HECW2: variants seen among roughly 807,000 people sequenced by gnomAD.
The protein encoded by HECW2 is E3 ubiquitin-protein ligase HECW2.
HECW2 carries 61 observed loss-of-function variants against 175.2 expected under a neutral mutation model. The ratio of observed to expected loss-of-function variants is 0.35; its 90% CI spans 0.28 to 0.43. The LOEUF (loss-of-function observed/expected upper bound fraction) is 0.43. Among genes scored for constraint, HECW2 ranks in the 20% least tolerant of loss-of-function variants. The probability of loss-of-function intolerance (pLI) is 1.00; values close to 1 mark genes in which losing one functional copy is unlikely to be tolerated. For synonymous variants in HECW2, 671 were observed against 731.0 expected, an observed-to-expected ratio of 0.92 and a Z score of 1.32; for missense variants, 1,524 against 2,000.5, an observed-to-expected ratio of 0.76 and a Z score of 4.54.
chr2:196,526,789 C>T (rs897335866), intron 1 of HECW2, among the ~76,000 whole-genome samples: 13 of 152,064 alleles, frequency 8.5e-5, no homozygotes, highest in Non-Finnish European at 1.5e-4. Flanking sequence ...TTAGGCTGCT[C>T]GGGGGTCAGG....
intron 1 of HECW2, among the ~76,000 whole-genome samples, chr2:196,527,006 C>G: frequency 6.6e-6 from 1 of 152,114 alleles, no homozygotes; most frequent in East Asian, 1.9e-4. Context: ...TGGGCTCCAC[C>G]CAGTTGGAGC....
chr2:196,441,362 CAT>C (rs1351502142), intron 1 of HECW2, among the ~76,000 whole-genome samples: 1 of 74,914 alleles, frequency 1.3e-5, no homozygotes, highest in Non-Finnish European at 2.6e-5. Flanking sequence ...AAAGACACAA[CAT>C]ACAACACACA....
At chr2:196,516,306 A>C (rs58645781) in intron 1 of HECW2, among the ~76,000 whole-genome samples, 1,534 of 152,332 alleles carry the variant, frequency 0.01, 27 homozygotes, top group African/African-American at 0.034. Flanking sequence ...ATAAACAAAC[A>C]GGGAATCACT....
intron 1 of HECW2, among the ~76,000 whole-genome samples, chr2:196,522,060 T>C (rs1370314984): frequency 6.6e-6 from 1 of 152,244 alleles, no homozygotes; most frequent in Non-Finnish European, 1.5e-5. Context: ...ATAACCACAC[T>C]GACTTCCACA....
chr2:196,230,567 T>C (rs1048128199), intron 21 of HECW2, among the ~76,000 whole-genome samples: 3 of 152,180 alleles, frequency 2.0e-5, no homozygotes, highest in Non-Finnish European at 4.4e-5. Context: ...ATTCCTTCTC[T>C]ACCCTGGTGG....
At chr2:196,419,668 C>A (rs910318179) in intron 2 of HECW2, among the ~76,000 whole-genome samples, 3 of 152,202 alleles carry the variant, frequency 2.0e-5, no homozygotes, top group Non-Finnish European at 4.4e-5. Flanking sequence ...CTAGTGGCAG[C>A]CACACAGTAG....
chr2:196,355,434 CAAT>C (rs1272186125), intron 2 of HECW2, among the ~76,000 whole-genome samples: 1 of 152,138 alleles, frequency 6.6e-6, no homozygotes, highest in Non-Finnish European at 1.5e-5. Flanking sequence ...TTTTCTATGA[CAAT>C]GATGATAAAA....
intron 2 of HECW2, among the ~76,000 whole-genome samples, chr2:196,422,407 A>G (rs1695430482): frequency 1.3e-5 from 2 of 152,150 alleles, no homozygotes; most frequent in South Asian, 2.1e-4. Flanking sequence ...AAGAGCTAGC[A>G]TAAGAGTTTC....
At position 196,540,807 on chromosome 2, in the gene HECW2, T is replaced by C. The variant is rs1168459508; in HGVS notation, c.-36+52701A>G. ...TTCTAAAACAATGAACAGGAGTCAC[T>C]ATGAGGAAGCACAATATTTTTAATC... On this transcript the variant is annotated intron_variant, in intron 1 of 28. Coordinates refer to ENST00000644978, the MANE Select transcript of HECW2 (RefSeq NM_001348768.2). Among the ~76,000 whole-genome samples the C allele has an allele frequency of 3.3e-5, 5 of 152,132 alleles. No homozygotes were observed. The East Asian group carries it at 9.6e-4, about 29-fold the overall frequency.
Position 196,200,480 on chromosome 2 carries a change from GAACATA to G in HECW2, c.*791_*796del, listed in dbSNP as rs1192903459. On this transcript the variant is annotated 3_prime_UTR_variant, in exon 29 of 29. Transcript: ENST00000644978. ...GGTAGGTTCTTATATACATCTTAAAGAACATAAACATAATGAACCTACAAAAAATAA... is the reference window on the plus strand; with the variant it reads ...GGTAGGTTCTTATATACATCTTAAAGAACATAATGAACCTACAAAAAATAA... The G allele has an allele frequency of 4.6e-5, 7 of 152,676 alleles. No individual in the cohort carries two copies. In the South Asian group the frequency reaches 1.0e-3, roughly 23 times the overall value. The allele number at this position is 152,676 out of a possible 1,614,324, so 9.5% of individuals were successfully genotyped here.
chr2:196,561,554 C>T lies in HECW2; in HGVS notation c.-36+31954G>A, dbSNP rs377013159. Among the ~76,000 whole-genome samples the T allele has an allele frequency of 5.0e-4, 76 of 152,282 alleles. 1 individual carries two copies. The highest frequency in any genetic ancestry group is 1.4e-3 in the African/African-American group (60 of 41,558). On this transcript the variant is annotated intron_variant, in intron 1 of 28. Coordinates refer to ENST00000644978, the MANE Select transcript of HECW2 (RefSeq NM_001348768.2). Reference sequence around the variant, plus strand: ...GCTAATAAAAACTTGCTGTTTTTTACGGCTCAGGAGGCATCATGGAACCTG... The same window carrying T: ...GCTAATAAAAACTTGCTGTTTTTTATGGCTCAGGAGGCATCATGGAACCTG...
chr2:196,512,714 G>A (rs892893011), intron 1 of HECW2, among the ~76,000 whole-genome samples: 1 of 149,890 alleles, frequency 6.7e-6, no homozygotes, highest in African/African-American at 2.5e-5. Context: ...TTTCGAGTTG[G>A]AGTCTCGCTC....
rs138200629 is a variant in HECW2 at position 196,257,082 on chromosome 2, T to C, written c.3419+741A>G. ...AAAACCTTGCCTGAAAGGCTCAGTA[T>C]GCTGTTCCTTTTAATTCTCTGGAGG... On this transcript the variant is annotated intron_variant, in intron 18 of 28. Coordinates refer to ENST00000644978, the MANE Select transcript of HECW2 (RefSeq NM_001348768.2). Among the ~76,000 whole-genome samples the C allele has an allele frequency of 4.8e-3, 732 of 152,372 alleles. 16 individuals are homozygous for C. The highest frequency in any genetic ancestry group is 0.017 in the African/African-American group (689 of 41,592).
At chr2:196,277,085 T>C (rs553758077) in intron 15 of HECW2, among the ~76,000 whole-genome samples, 2 of 152,346 alleles carry the variant, frequency 1.3e-5, no homozygotes, top group Admixed American at 1.3e-4. Context: ...TGATGGTATA[T>C]AATCAAATCA....
chr2:196,245,310 A>G (rs1688606559), intron 19 of HECW2, among the ~76,000 whole-genome samples: 1 of 152,208 alleles, frequency 6.6e-6, no homozygotes, highest in African/African-American at 2.4e-5. Flanking sequence ...ACCATCACAC[A>G]CCACTTTGCA....
At chr2:196,478,317 T>C (rs1175904854) in intron 1 of HECW2, among the ~76,000 whole-genome samples, 1 of 152,138 alleles carries the variant, frequency 6.6e-6, no homozygotes, top group African/African-American at 2.4e-5. Context: ...CCCACTGAAG[T>C]CCCTGCTCAA....
At chr2:196,219,186 ACTT>A (rs2105811914) in intron 26 of HECW2, among the ~76,000 whole-genome samples, 1 of 152,376 alleles carries the variant, frequency 6.6e-6, no homozygotes, top group African/African-American at 2.4e-5. Context: ...GTTCAGAACT[ACTT>A]CTAATCTCTT....
intron 17 of HECW2, chr2:196,258,179 A>C (rs1330773089): frequency 2.5e-6 from 1 of 402,840 alleles, no homozygotes; most frequent in Non-Finnish European, 4.5e-6. Flanking sequence ...AAGTACTATA[A>C]ATAGTATACT....
intron 15 of HECW2, among the ~76,000 whole-genome samples, chr2:196,277,431 A>G (rs1287926972): frequency 1.3e-5 from 2 of 152,232 alleles, no homozygotes; most frequent in Non-Finnish European, 2.9e-5. Flanking sequence ...AAATTCTATC[A>G]TCTCATACCA....
Sources: allele counts gnomAD v4.1 joint callset (sites outside exome capture counted in the v4.1 genomes callset), GRCh38; gene constraint gnomAD v4.1.1; transcripts MANE v1.5; gene names NCBI Gene and HGNC (gene_info 2026-07-23, HGNC 2026-07-21).